PRDM5: variants seen among roughly 807,000 people sequenced by gnomAD.
The protein encoded by PRDM5 is PR domain zinc finger protein 5.
PRDM5 carries 56 observed loss-of-function variants against 81.2 expected under a neutral mutation model. That is an observed-to-expected ratio of 0.69 (90% confidence interval 0.56 to 0.86). PRDM5 has a LOEUF of 0.86. PRDM5 is among the 40% of genes least tolerant of loss of function. The pLI, the probability that PRDM5 is intolerant of heterozygous loss-of-function variation, is 0.00. For synonymous variants in PRDM5, 267 were observed against 256.4 expected (o/e 1.04, Z -0.39); for missense variants, 697 against 770.1 (o/e 0.91, Z 1.12).
At chr4:120,735,804 G>A (rs940023226) in intron 14 of PRDM5, among the ~76,000 whole-genome samples, 1 of 152,072 alleles carries the variant, frequency 6.6e-6, no homozygotes, top group African/African-American at 2.4e-5. Flanking sequence ...TTGTCAGCAG[G>A]CTGAGGAGAA....
chr4:120,836,661 C>T (rs1757392730), intron 3 of PRDM5, among the ~76,000 whole-genome samples: 1 of 152,132 alleles, frequency 6.6e-6, no homozygotes, highest in African/African-American at 2.4e-5. Flanking sequence ...TCATCTGAAT[C>T]TTCTAGATAA....
At chr4:120,744,440 C>G (rs936206603) in intron 14 of PRDM5, among the ~76,000 whole-genome samples, 1 of 151,878 alleles carries the variant, frequency 6.6e-6, no homozygotes, top group Non-Finnish European at 1.5e-5. Flanking sequence ...CAGAGCAGAA[C>G]TGAAGGAAAT....
chr4:120,742,016 T>C (rs1184803974), intron 14 of PRDM5, among the ~76,000 whole-genome samples: 2 of 152,338 alleles, frequency 1.3e-5, no homozygotes, highest in African/African-American at 4.8e-5. Flanking sequence ...CTCTGCAGAC[T>C]TAAATGTCCC....
At chr4:120,889,688 A>G (rs1475302676) in intron 2 of PRDM5, among the ~76,000 whole-genome samples, 2 of 152,162 alleles carry the variant, frequency 1.3e-5, no homozygotes, top group Admixed American at 6.5e-5. Flanking sequence ...CTTGGGAAAT[A>G]AGCATAGTAT....
intron 8 of PRDM5, among the ~76,000 whole-genome samples, chr4:120,805,213 C>A (rs1035211546): frequency 4.6e-5 from 7 of 152,096 alleles, no homozygotes; most frequent in Non-Finnish European, 1.0e-4. Context: ...TAATTAATAG[C>A]CTACCAACCA....
intron 14 of PRDM5, among the ~76,000 whole-genome samples, chr4:120,716,479 C>T (rs916027486): frequency 6.6e-6 from 1 of 152,122 alleles, no homozygotes; most frequent in Non-Finnish European, 1.5e-5. Context: ...CACATGAAGG[C>T]CCCACGAGCA....
At chr4:120,835,663 G>A (rs1757266237) in intron 3 of PRDM5, among the ~76,000 whole-genome samples, 1 of 152,094 alleles carries the variant, frequency 6.6e-6, no homozygotes, top group Admixed American at 6.5e-5. Flanking sequence ...ATGATTGTGA[G>A]GCCTCCCCAG....
At chr4:120,900,003 G>A (rs1765064252) in intron 2 of PRDM5, among the ~76,000 whole-genome samples, 1 of 152,136 alleles carries the variant, frequency 6.6e-6, no homozygotes, top group South Asian at 2.1e-4. Flanking sequence ...CATAGATACA[G>A]AAAAAGGCAT....
At chr4:120,802,999 G>A (rs992265512) in intron 8 of PRDM5, among the ~76,000 whole-genome samples, 3 of 152,178 alleles carry the variant, frequency 2.0e-5, no homozygotes, top group Non-Finnish European at 4.4e-5. Context: ...AAGCAGTGTA[G>A]GGAAGTCCTT....
At chr4:120,713,348 A>T (rs1303214585) in intron 14 of PRDM5, among the ~76,000 whole-genome samples, 1 of 152,196 alleles carries the variant, frequency 6.6e-6, no homozygotes, top group Non-Finnish European at 1.5e-5. Flanking sequence ...TTTTATAAAC[A>T]GCATATGACT....
intron 3 of PRDM5, among the ~76,000 whole-genome samples, chr4:120,842,064 G>A (rs1268517561): frequency 6.6e-6 from 1 of 152,092 alleles, no homozygotes; most frequent in African/African-American, 2.4e-5. Flanking sequence ...CTAGTTTTCT[G>A]AGTGAGTCCA....
intron 1 of PRDM5, among the ~76,000 whole-genome samples, chr4:120,912,573 G>C (rs1423521066): frequency 6.6e-6 from 1 of 152,124 alleles, no homozygotes. Flanking sequence ...TAAGATCCTG[G>C]TTCAAAAATA....
chr4:120,803,105 C>T (rs892143349), intron 8 of PRDM5, among the ~76,000 whole-genome samples: 1 of 152,028 alleles, frequency 6.6e-6, no homozygotes, highest in Non-Finnish European at 1.5e-5. Context: ...GAAAGGGTAT[C>T]AGTGATTGAA....
intron 13 of PRDM5, among the ~76,000 whole-genome samples, chr4:120,769,247 G>C (rs962738215): frequency 6.6e-6 from 1 of 152,150 alleles, no homozygotes; most frequent in Non-Finnish European, 1.5e-5. Flanking sequence ...TAAAAAGTAA[G>C]GTATCAGTTA....
chr4:120,782,751 A>T (rs146229556), intron 11 of PRDM5, among the ~76,000 whole-genome samples: 306 of 152,266 alleles, frequency 2.0e-3, no homozygotes, highest in Non-Finnish European at 2.3e-3. Flanking sequence ...AGGAAATATC[A>T]ATTGATAAAA....
chr4:120,743,832 G>A (rs1742518850), intron 14 of PRDM5, among the ~76,000 whole-genome samples: 1 of 145,604 alleles, frequency 6.9e-6, no homozygotes, highest in Non-Finnish European at 1.5e-5. Flanking sequence ...TTAATAATGG[G>A]AGACTTTAAC....
chr4:120,731,926 C>T (rs1477108922), intron 14 of PRDM5: 1 of 152,172 alleles, frequency 6.6e-6, no homozygotes, highest in Non-Finnish European at 1.5e-5. Context: ...ATTAGCAAGG[C>T]AAGGAATTTC....
At chr4:120,687,118 G>A (rs1733867079), downstream of PRDM5, among the ~76,000 whole-genome samples, 1 of 151,920 alleles carries the variant, frequency 6.6e-6, no homozygotes, top group Non-Finnish European at 1.5e-5. Flanking sequence ...ATTTTTAGAA[G>A]AGTATTATTG....
chr4:120,699,161 A>AATATAAATATATATATATAT (rs1286927101), intron 15 of PRDM5, among the ~76,000 whole-genome samples: 2 of 73,484 alleles, frequency 2.7e-5, no homozygotes, highest in Non-Finnish European at 5.7e-5. Flanking sequence ...AGGAAATATA[A>AATATAAATATATATATATAT]ATATATATAT....
Sources: gnomAD v4.1 joint callset for allele counts (sites outside exome capture counted in the v4.1 genomes callset) on GRCh38, gnomAD v4.1.1 for gene constraint, MANE v1.5 for transcripts, NCBI Gene and HGNC (gene_info 2026-07-23, HGNC 2026-07-21) for gene names.